The following DLGAP2 variants were observed in gnomAD, a reference collection of about 807,000 sequenced individuals.
DLGAP2 encodes DLG associated protein 2.
DLGAP2 carries 26 observed loss-of-function variants against 100.3 expected under a neutral mutation model. That is an observed-to-expected ratio of 0.26 (90% confidence interval 0.19 to 0.36). The LOEUF is 0.36. Among genes scored for constraint, DLGAP2 ranks in the 10% least tolerant of loss-of-function variants. DLGAP2 has a pLI of 1.00. For synonymous variants in DLGAP2, 886 were observed against 630.1 expected, an observed-to-expected ratio of 1.41 and a Z score of -6.08; for missense variants, 1,858 against 1,453.2, an observed-to-expected ratio of 1.28 and a Z score of -4.53.
At chr8:1,087,576 T>A (rs1358293408) in intron 2 of DLGAP2, among the ~76,000 whole-genome samples, 1 of 151,370 alleles carries the variant, frequency 6.6e-6, no homozygotes, top group Non-Finnish European at 1.5e-5. Context: ...TCATGTTCTC[T>A]CTGTGCCATC....
chr8:1,696,463 G>A (rs549477770), intron 13 of DLGAP2, among the ~76,000 whole-genome samples: 2 of 152,110 alleles, frequency 1.3e-5, no homozygotes, highest in African/African-American at 4.8e-5. Context: ...TCACACCTGT[G>A]CTCCAGCCTG....
At chr8:1,698,215 G>A (rs1425767042) in intron 14 of DLGAP2, among the ~76,000 whole-genome samples, 3 of 152,202 alleles carry the variant, frequency 2.0e-5, no homozygotes, top group Admixed American at 6.5e-5. Flanking sequence ...AGACGACAGG[G>A]GAGTGAGGTG....
chr8:980,139 AGAG>A (rs1800286779), intron 2 of DLGAP2, among the ~76,000 whole-genome samples: 3 of 152,304 alleles, frequency 2.0e-5, no homozygotes, highest in Admixed American at 2.0e-4. Flanking sequence ...GAGTGACTGA[AGAG>A]GAGACCTCTC....
At chr8:1,373,523 G>T (rs900116283) in intron 3 of DLGAP2, among the ~76,000 whole-genome samples, 1 of 152,218 alleles carries the variant, frequency 6.6e-6, no homozygotes, top group Non-Finnish European at 1.5e-5. Flanking sequence ...GAGGGCAGTG[G>T]GCAATTGTTC....
chr8:1,120,584 C>G (rs1796014335), intron 2 of DLGAP2, among the ~76,000 whole-genome samples: 2 of 152,054 alleles, frequency 1.3e-5, no homozygotes, highest in Admixed American at 6.5e-5. Flanking sequence ...CCATTAGGAC[C>G]CATGACCACC....
chr8:749,762 C>T (rs534042263), intron 1 of DLGAP2, among the ~76,000 whole-genome samples: 31 of 152,240 alleles, frequency 2.0e-4, no homozygotes, highest in Admixed American at 1.6e-3. Flanking sequence ...TACCACAGAT[C>T]GGGTGCCCGA....
At chr8:1,614,436 C>G (rs1287769151) in intron 6 of DLGAP2, among the ~76,000 whole-genome samples, 2 of 152,228 alleles carry the variant, frequency 1.3e-5, no homozygotes, top group African/African-American at 4.8e-5. Flanking sequence ...GGAATATGAC[C>G]ACAGACACCC....
In DLGAP2 at chr8:1,288,668, G is replaced by T. The variant is rs962838221; in HGVS notation, c.106+29785G>T. ...GTGTACGTAGTTAGGAGGGGAACTT[G>T]TTTCGGTTCAGTGTGTGTGTGTGTG... On this transcript the variant is annotated intron_variant, in intron 3 of 14. Transcript: ENST00000637795. Among the ~76,000 whole-genome samples, 3 of 138,086 alleles carry T rather than the reference G, an allele frequency of 2.2e-5. No individual in the cohort carries two copies. In the South Asian group the frequency reaches 7.6e-4, roughly 35 times the overall value. 90.6% of individuals were successfully genotyped at this position (138,086 alleles called of 152,430 possible). A position where few individuals can be genotyped will look rare whatever the true frequency, so the allele number is the denominator to read the frequency against.
chr8:783,055 A>G (rs1206726434), intron 1 of DLGAP2, among the ~76,000 whole-genome samples: 1 of 152,214 alleles, frequency 6.6e-6, no homozygotes, highest in African/African-American at 2.4e-5. Flanking sequence ...CAATTGACTA[A>G]AGTTACAACA....
At chr8:1,217,989 G>A (rs1263108797) in intron 2 of DLGAP2, among the ~76,000 whole-genome samples, 1 of 151,978 alleles carries the variant, frequency 6.6e-6, no homozygotes, top group African/African-American at 2.4e-5. Context: ...TTGATGCTAG[G>A]TATTAGACCT....
intron 6 of DLGAP2, among the ~76,000 whole-genome samples, chr8:1,586,436 C>A (rs532489964): frequency 2.6e-5 from 4 of 152,196 alleles, no homozygotes; most frequent in Admixed American, 2.6e-4. Flanking sequence ...TCCTGTCTCA[C>A]GTCCACATCG....
chr8:805,819 C>T (rs1796257986), intron 1 of DLGAP2, among the ~76,000 whole-genome samples: 2 of 152,306 alleles, frequency 1.3e-5, no homozygotes, highest in South Asian at 4.1e-4. Flanking sequence ...CCACCGCACG[C>T]AGCCTGCGCT....
chr8:781,079 C>A (rs912358142), intron 1 of DLGAP2, among the ~76,000 whole-genome samples: 2 of 152,096 alleles, frequency 1.3e-5, no homozygotes, highest in Admixed American at 1.3e-4. Context: ...TAGATAACCC[C>A]TTTTTTTGGT....
intron 3 of DLGAP2, among the ~76,000 whole-genome samples, chr8:1,452,562 C>A (rs753588041): frequency 6.6e-6 from 1 of 152,168 alleles, no homozygotes; most frequent in Admixed American, 6.5e-5. Flanking sequence ...CCCAGTGGCC[C>A]GGCTTAAATT....
intron 2 of DLGAP2, among the ~76,000 whole-genome samples, chr8:936,566 A>G (rs764462700): frequency 3.9e-5 from 6 of 152,314 alleles, no homozygotes; most frequent in Non-Finnish European, 5.9e-5. Flanking sequence ...ACACTTAGAC[A>G]TGACGGATGA....
intron 2 of DLGAP2, among the ~76,000 whole-genome samples, chr8:1,187,481 C>T (rs183353292): frequency 0.012 from 1,495 of 120,272 alleles, 120 homozygotes; most frequent in African/African-American, 0.066. Context: ...ATTTGCCTCA[C>T]GGAATCTCAC....
At chr8:1,284,533 C>T (rs773559492) in intron 3 of DLGAP2, among the ~76,000 whole-genome samples, 38 of 152,192 alleles carry the variant, frequency 2.5e-4, no homozygotes, top group Admixed American at 7.9e-4. Context: ...GTCAACTCAC[C>T]GCTTTCAGTG....
intron 6 of DLGAP2, chr8:1,604,571 A>G (rs528530018): frequency 1.8e-4 from 28 of 152,444 alleles, no homozygotes; most frequent in Middle Eastern, 3.4e-3. Flanking sequence ...ACAGGAATCT[A>G]TATTACATGC....
At chr8:1,099,074 A>G (rs916625633) in intron 2 of DLGAP2, among the ~76,000 whole-genome samples, 3 of 152,144 alleles carry the variant, frequency 2.0e-5, no homozygotes, top group African/African-American at 7.2e-5. Context: ...CAGCATTTCA[A>G]AGAGATTCTT....
Sources: gnomAD v4.1 joint callset for allele counts (sites outside exome capture counted in the v4.1 genomes callset) on GRCh38, gnomAD v4.1.1 for gene constraint, MANE v1.5 for transcripts, NCBI Gene and HGNC (gene_info 2026-07-23, HGNC 2026-07-21) for gene names.